Variants in DGKB observed in about 807,000 individuals in gnomAD.
The protein encoded by DGKB is 90 kDa diacylglycerol kinase.
A neutral mutation model predicts 114.3 loss-of-function variants in DGKB; 67 were observed. That is an observed-to-expected ratio of 0.59 (90% confidence interval 0.48 to 0.72). DGKB has a LOEUF of 0.72. Ranked by LOEUF, DGKB falls within the 30% of genes least tolerant of loss-of-function variation. The probability of loss-of-function intolerance (pLI) is 0.00; values close to 1 mark genes in which losing one functional copy is unlikely to be tolerated. For synonymous variants in DGKB, 398 were observed against 323.1 expected, an observed-to-expected ratio of 1.23 and a Z score of -2.49; for missense variants, 907 against 975.2, an observed-to-expected ratio of 0.93 and a Z score of 0.93.
At chr7:14,442,014 T>G (rs1279618553) in intron 21 of DGKB, among the ~76,000 whole-genome samples, 2 of 152,014 alleles carry the variant, frequency 1.3e-5, no homozygotes, top group Admixed American at 1.3e-4. Context: ...TAGCTTTTAA[T>G]TTCCTTCCTC....
chr7:14,621,117 T>C, intron 15 of DGKB: 1 of 342,264 alleles, frequency 2.9e-6, no homozygotes. Context: ...TTAGCAATAA[T>C]TTTCAAATCT....
intron 20 of DGKB, among the ~76,000 whole-genome samples, chr7:14,553,558 C>A (rs1390312609): frequency 6.6e-6 from 1 of 152,028 alleles, no homozygotes; most frequent in East Asian, 1.9e-4. Flanking sequence ...CAAATAAAAC[C>A]ACATCCAATC....
intron 1 of DGKB, among the ~76,000 whole-genome samples, chr7:14,891,824 A>G (rs1192420593): frequency 6.6e-6 from 1 of 151,420 alleles, no homozygotes; most frequent in African/African-American, 2.4e-5. Context: ...ACTGCTGTGG[A>G]CAGTGAAAAG....
At chr7:14,219,280 G>C (rs1010972958) in intron 23 of DGKB, among the ~76,000 whole-genome samples, 1 of 151,790 alleles carries the variant, frequency 6.6e-6, no homozygotes, top group African/African-American at 2.4e-5. Context: ...CATGGACTCT[G>C]ACCTAAGATT....
chr7:14,431,934 T>A (rs1379617835), intron 21 of DGKB, among the ~76,000 whole-genome samples: 4 of 152,088 alleles, frequency 2.6e-5, no homozygotes, highest in African/African-American at 9.6e-5. Context: ...TGTTTACATA[T>A]GTTATTTATA....
chr7:14,147,377 T>C lies in DGKB; in HGVS notation c.*1754A>G, dbSNP rs1020425061. The C allele has an allele frequency of 2.0e-5, 3 of 152,184 alleles. No individual in the cohort carries two copies. The highest frequency in any genetic ancestry group is 2.0e-4 in the Admixed American group (3 of 15,276). 9.4% of individuals were successfully genotyped at this position (152,184 alleles called of 1,614,324 possible). On this transcript the variant is annotated 3_prime_UTR_variant, in exon 26 of 26. Coordinates refer to ENST00000402815, the MANE Select transcript of DGKB (RefSeq NM_001350709.2). ...GCTTATTGTTGATTGATATTTACCG[T>C]CCAATGTTCCAGGAACACTAAAAGA...
At chr7:14,771,074 C>T (rs750794001) in intron 2 of DGKB, among the ~76,000 whole-genome samples, 7 of 152,104 alleles carry the variant, frequency 4.6e-5, no homozygotes, top group Non-Finnish European at 1.0e-4. Context: ...CCCCAAATCT[C>T]TTTGATTTAG....
chr7:14,174,611 G>A (rs768846212), intron 25 of DGKB, among the ~76,000 whole-genome samples: 2 of 151,908 alleles, frequency 1.3e-5, no homozygotes, highest in East Asian at 1.9e-4. Context: ...TAAAAACACC[G>A]CTACCAACCA....
At chr7:14,646,771 T>TAA (rs71004322) in intron 13 of DGKB, among the ~76,000 whole-genome samples, 2,680 of 151,176 alleles carry the variant, frequency 0.018, 58 homozygotes, top group Admixed American at 0.044. Context: ...AAGAAGAAAG[T>TAA]AAAAAAAATT....
intron 2 of DGKB, among the ~76,000 whole-genome samples, chr7:14,833,318 C>T (rs1017579129): frequency 2.6e-5 from 4 of 151,998 alleles, no homozygotes; most frequent in African/African-American, 4.8e-5. Context: ...TTAAAATCTT[C>T]AATATCTTCA....
chr7:14,838,986 G>C (rs1847538647), intron 2 of DGKB, among the ~76,000 whole-genome samples: 2 of 151,896 alleles, frequency 1.3e-5, no homozygotes, highest in Non-Finnish European at 2.9e-5. Flanking sequence ...TTAAATATTT[G>C]TTTCAAATCC....
At chr7:14,877,603 T>G (rs1853510554) in intron 1 of DGKB, among the ~76,000 whole-genome samples, 1 of 152,284 alleles carries the variant, frequency 6.6e-6, no homozygotes, top group Middle Eastern at 3.4e-3. Flanking sequence ...TTATTTTGGG[T>G]GACCCCTCTG....
chr7:14,816,201 G>T (rs1304555853), intron 2 of DGKB, among the ~76,000 whole-genome samples: 1 of 152,024 alleles, frequency 6.6e-6, no homozygotes, highest in African/African-American at 2.4e-5. Flanking sequence ...GGACATAGTG[G>T]CATGGTCCTG....
intron 21 of DGKB, among the ~76,000 whole-genome samples, chr7:14,379,536 T>A (rs542803185): frequency 6.6e-6 from 1 of 152,184 alleles, no homozygotes; most frequent in Non-Finnish European, 1.5e-5. Context: ...TTCAGCTGGC[T>A]TTAAGCAATT....
chr7:14,428,717 G>A (rs531312931), intron 21 of DGKB, among the ~76,000 whole-genome samples: 1 of 152,170 alleles, frequency 6.6e-6, no homozygotes, highest in African/African-American at 2.4e-5. Context: ...AAAAATAGGT[G>A]CACATGTGAT....
chr7:14,320,175 G>GT (rs1659237148), intron 23 of DGKB, among the ~76,000 whole-genome samples: 1 of 152,192 alleles, frequency 6.6e-6, no homozygotes, highest in Admixed American at 6.5e-5. Context: ...GGGTCCAGCA[G>GT]TGGTGGGAAC....
chr7:14,634,021 T>C (rs930172390), intron 13 of DGKB, among the ~76,000 whole-genome samples: 101 of 151,688 alleles, frequency 6.7e-4, no homozygotes, highest in African/African-American at 2.4e-3. Context: ...GTGGAGATTA[T>C]TGGAGGTTTG....
At chr7:14,605,279 G>A (rs1804270562) in intron 17 of DGKB, among the ~76,000 whole-genome samples, 1 of 151,204 alleles carries the variant, frequency 6.6e-6, no homozygotes. Flanking sequence ...AGTGCAGAAA[G>A]CAAGTTGCAA....
intron 4 of DGKB, chr7:14,750,210 T>C: frequency 2.0e-6 from 1 of 509,306 alleles, no homozygotes; most frequent in Non-Finnish European, 3.9e-6. Context: ...ATGTTATAGT[T>C]AAAGCATAAT....
Sources: allele counts gnomAD v4.1 joint callset (sites outside exome capture counted in the v4.1 genomes callset), GRCh38; gene constraint gnomAD v4.1.1; transcripts MANE v1.5; gene names NCBI Gene and HGNC (gene_info 2026-07-23, HGNC 2026-07-21).